Variants in ATL1 observed in about 807,000 individuals in gnomAD.
ATL1 encodes the protein atlastin-1.
ATL1 carries 31 observed loss-of-function variants against 75.5 expected under a neutral mutation model. That is an observed-to-expected ratio of 0.41 (90% confidence interval 0.31 to 0.55). The LOEUF is 0.55. Among genes scored for constraint, ATL1 ranks in the 20% least tolerant of loss-of-function variants. The pLI is 0.27. For missense variants in ATL1, 405 were observed against 662.6 expected (o/e 0.61, Z 4.27); for synonymous variants, 226 against 233.3 (o/e 0.97, Z 0.28).
intron 1 of ATL1, among the ~76,000 whole-genome samples, chr14:50,569,282 C>A (rs1249993336): frequency 6.6e-6 from 1 of 152,016 alleles, no homozygotes; most frequent in Non-Finnish European, 1.5e-5. Flanking sequence ...ATCACTTGGG[C>A]CCAGGAAGTT....
chr14:50,575,601 T>A (rs1421215368), intron 1 of ATL1, among the ~76,000 whole-genome samples: 2 of 152,200 alleles, frequency 1.3e-5, no homozygotes, highest in African/African-American at 2.4e-5. Flanking sequence ...GTTCTACTGC[T>A]AGGAAGGGAC....
At chr14:50,549,681 G>A (rs916660168) in intron 1 of ATL1, among the ~76,000 whole-genome samples, 11 of 152,220 alleles carry the variant, frequency 7.2e-5, no homozygotes, top group Non-Finnish European at 1.2e-4. Flanking sequence ...CATGGGCCAC[G>A]ATATCCAACA....
chr14:50,565,132 T>TA (rs1227312791), intron 1 of ATL1, among the ~76,000 whole-genome samples: 3 of 150,856 alleles, frequency 2.0e-5, no homozygotes, highest in African/African-American at 4.9e-5. Context: ...ACTAAAAATG[T>TA]AAAAAAAATT....
chr14:50,541,155 C>T (rs2038555461), intron 1 of ATL1, among the ~76,000 whole-genome samples: 1 of 152,204 alleles, frequency 6.6e-6, no homozygotes, highest in Non-Finnish European at 1.5e-5. Flanking sequence ...AGTTTGCTTT[C>T]ACATGATTGC....
chr14:50,583,523 C>T (rs1433698072), intron 1 of ATL1, among the ~76,000 whole-genome samples: 1 of 152,164 alleles, frequency 6.6e-6, no homozygotes, highest in Admixed American at 6.5e-5. Context: ...TAAACCTCTT[C>T]CTACTCCCCC....
chr14:50,620,707 G>A lies in ATL1; in HGVS notation c.971G>A (p.Gly324Asp), dbSNP rs368143849. The change falls in exon 9 of 14, where the codon GGT becomes GAT. Residue 324 changes from glycine to aspartate, a missense_variant. Transcript: ENST00000358385. ...AATGGGAATAAAATCACCTGCCGGG[G>A]TCTGGTGGAGTACTTCAAGGTATCA... ...EINGNKITCR[G>D]LVEYFKAYIK... The A allele has an allele frequency of 2.5e-6, 4 of 1,613,574 alleles. No homozygotes were observed. Among genetic ancestry groups the A allele is most frequent in the Non-Finnish European group, 3.4e-6 (4 of 1,179,642 alleles).
At chr14:50,547,303 G>A (rs1223545114) in intron 1 of ATL1, among the ~76,000 whole-genome samples, 3 of 152,092 alleles carry the variant, frequency 2.0e-5, no homozygotes, top group Non-Finnish European at 2.9e-5. Flanking sequence ...GGTACTCAGT[G>A]AATGTCTGAG....
chr14:50,605,292 T>TGATTCATAG (rs146647107), intron 6 of ATL1, among the ~76,000 whole-genome samples: 3,339 of 151,996 alleles, frequency 0.022, 101 homozygotes, highest in African/African-American at 0.075. Flanking sequence ...TATAGGTTCC[T>TGATTCATAG]GATTCATAGA....
At chr14:50,582,644 T>G (rs2039067553) in intron 1 of ATL1, among the ~76,000 whole-genome samples, 1 of 151,328 alleles carries the variant, frequency 6.6e-6, no homozygotes, top group Admixed American at 6.6e-5. Flanking sequence ...CAGGTTGGTC[T>G]CAAACTCTTG....
intron 1 of ATL1, among the ~76,000 whole-genome samples, chr14:50,561,505 A>G (rs972067618): frequency 2.0e-5 from 3 of 152,244 alleles, no homozygotes; most frequent in Admixed American, 6.5e-5. Flanking sequence ...GAGCTCTTCT[A>G]TAACTGTTTA....
At chr14:50,618,877 G>GTGTATA (rs760117843) in intron 8 of ATL1, among the ~76,000 whole-genome samples, 31 of 133,344 alleles carry the variant, frequency 2.3e-4, no homozygotes, top group African/African-American at 6.0e-4. Flanking sequence ...GTGTGTGTGT[G>GTGTATA]TATATATATA....
At chr14:50,586,530 T>C (rs570381319) in intron 1 of ATL1, among the ~76,000 whole-genome samples, 61 of 152,264 alleles carry the variant, frequency 4.0e-4, no homozygotes, top group African/African-American at 1.4e-3. Flanking sequence ...ATCTCTAACA[T>C]TGGGGATTAA....
intron 6 of ATL1, among the ~76,000 whole-genome samples, chr14:50,600,889 G>C (rs1033846161): frequency 6.6e-6 from 1 of 152,094 alleles, no homozygotes; most frequent in Admixed American, 6.6e-5. Flanking sequence ...ATTGCTTGGA[G>C]ACCAGAAGTT....
Position 50,587,930 on chromosome 14 carries a change from C to T in ATL1, c.134C>T (p.Ser45Phe). 6.2e-7 allele frequency: 1 copy of T among 1,614,016 alleles called. No homozygotes were observed. Among genetic ancestry groups the T allele is most frequent in the Non-Finnish European group, 8.5e-7 (1 of 1,179,988 alleles). Reference sequence around the variant, plus strand: ...GTCCTCATTGTCAAAGATGACCATTCCTTTGAGTTAGATGAAACTGCATTA... The same window carrying T: ...GTCCTCATTGTCAAAGATGACCATTTCTTTGAGTTAGATGAAACTGCATTA... Reference protein sequence around the residue: ...VQVLIVKDDHSFELDETALNR... With the variant: ...VQVLIVKDDHFFELDETALNR... The change falls in exon 2 of 14, where the codon TCC becomes TTC. Residue 45 changes from serine (S) to phenylalanine (F), a missense_variant. This residue lies in a region of ATL1 where 126 missense variants were observed against 172.0 expected (regional missense o/e 0.73). Coordinates refer to ENST00000358385, the MANE Select transcript of ATL1 (RefSeq NM_015915.5).
chr14:50,572,152 C>T (rs112708801), intron 1 of ATL1: 13 of 377,264 alleles, frequency 3.4e-5, no homozygotes, highest in East Asian at 1.6e-4. Context: ...GTGTCTTTTC[C>T]GTGGGCTTAC....
chr14:50,622,041 T>C (rs183849746), intron 10 of ATL1, 142 bp downstream of exon 10: 61 of 715,998 alleles, frequency 8.5e-5, no homozygotes, highest in African/African-American at 8.1e-4. Flanking sequence ...ATTTATGTGT[T>C]CATCTAAACA....
intron 6 of ATL1, among the ~76,000 whole-genome samples, chr14:50,606,545 T>A (rs936564486): frequency 6.6e-6 from 1 of 152,018 alleles, no homozygotes; most frequent in African/African-American, 2.4e-5. Context: ...ACAAAGTGAC[T>A]CACGCATTGA....
In ATL1 at chr14:50,614,514, TTG is replaced by T; in HGVS notation, c.862+7_862+8del. ...AAACTTTGATGGAAAATTGAAAGGT[TTG>T]TGTCTTTTAATGAATATGTTTGCAT... On this transcript the variant is annotated splice_donor_5th_base_variant and intron_variant, in intron 8 of 13. Transcript: ENST00000358385. The T allele has an allele frequency of 6.2e-7, 1 of 1,613,698 alleles. No individual in the cohort carries two copies. Among genetic ancestry groups the T allele is most frequent in the South Asian group, 1.1e-5 (1 of 91,068 alleles).
At chr14:50,580,235 C>T (rs2039043247) in intron 1 of ATL1, among the ~76,000 whole-genome samples, 1 of 152,102 alleles carries the variant, frequency 6.6e-6, no homozygotes, top group African/African-American at 2.4e-5. Context: ...AATAAAACTG[C>T]TATAAACATA....
Sources: allele counts gnomAD v4.1 joint callset (sites outside exome capture counted in the v4.1 genomes callset), GRCh38; gene constraint gnomAD v4.1.1; regional missense constraint gnomAD v4.1.1; transcripts MANE v1.5; gene names NCBI Gene and HGNC (gene_info 2026-07-23, HGNC 2026-07-21).